Variants in GRIP2 observed in about 807,000 individuals in gnomAD.
GRIP2 encodes glutamate receptor-interacting protein 2.
In GRIP2, 58 loss-of-function variants were observed where a neutral mutation model predicts 108.3. The observed-to-expected ratio is 0.54, with a 90% CI of 0.43 to 0.67. The LOEUF (loss-of-function observed/expected upper bound fraction) is 0.67. Ranked by LOEUF, GRIP2 falls within the 30% of genes least tolerant of loss-of-function variation. GRIP2 has a pLI of 0.00. For synonymous variants in GRIP2, 586 were observed against 598.2 expected (o/e 0.98, Z 0.30); for missense variants, 1,278 against 1,430.6 (o/e 0.89, Z 1.72).
rs1032012862 is a variant in GRIP2, at chr3:14,508,107, G to A, written c.2079-407C>T. The stretch of plus-strand genomic sequence containing the variant: ...AATCATAACTGAGGCGTGAATGAAC[G>A]GAATGGATTCCTACTTCCCTCCAGC... On this transcript the variant is annotated intron_variant, in intron 17 of 23. Coordinates refer to ENST00000621039, the MANE Select transcript of GRIP2 (RefSeq NM_001080423.4). 3.3e-5 allele frequency among the ~76,000 whole-genome samples: 5 copies of A among 152,202 alleles called. No individual in the cohort carries two copies. The South Asian group carries it at 8.3e-4, about 25-fold the overall frequency.
At chr3:14,504,266 TCAACGGTTA>T (rs2124861059) in intron 20 of GRIP2, among the ~76,000 whole-genome samples, 1 of 151,812 alleles carries the variant, frequency 6.6e-6, no homozygotes, top group South Asian at 2.1e-4. Flanking sequence ...TACAAAGGCC[TCAACGGTTA>T]CAAGGCATGC....
Position 14,517,221 on chromosome 3 carries a change from G to C in GRIP2, c.1157-8C>G, listed in dbSNP as rs1011324142. ...AGGGAGTTGAAGACAAGGCTGGGGA[G>C]ATGAGAGCACAGCCCCGTGAACCCC... On this transcript the variant is annotated splice_polypyrimidine_tract_variant and splice_region_variant and intron_variant, in intron 10 of 23. Transcript: ENST00000621039. 1.3e-6 allele frequency: 2 copies of C among 1,562,494 alleles called. No homozygotes were observed. The highest frequency in any genetic ancestry group is 2.7e-5 in the African/African-American group (2 of 73,112).
At chr3:14,574,060 A>G in the GRIP2 span, 1 of 1,504,662 alleles carries the variant, frequency 6.6e-7, no homozygotes, top group Non-Finnish European at 9.2e-7. Flanking sequence ...TGCTGCACGT[A>G]CTTGACGTTC....
intron 1 of GRIP2, among the ~76,000 whole-genome samples, chr3:14,537,359 C>A (rs1694858383): frequency 6.6e-6 from 1 of 152,214 alleles, no homozygotes; most frequent in South Asian, 2.1e-4. Flanking sequence ...CACACCTCCT[C>A]TCCACTCCCT....
chr3:14,537,011 A>G (rs1694849863), intron 1 of GRIP2, among the ~76,000 whole-genome samples: 1 of 152,202 alleles, frequency 6.6e-6, no homozygotes, highest in South Asian at 2.1e-4. Context: ...TACAGCTGGG[A>G]AAACTGAGGC....
At chr3:14,523,383 C>G (rs1694465331) in intron 5 of GRIP2, 1 of 583,164 alleles carries the variant, frequency 1.7e-6, no homozygotes, top group Non-Finnish European at 3.0e-6. Context: ...TCGGTAGCAG[C>G]TTTCACCATC....
the GRIP2 span, chr3:14,573,564 A>G: frequency 6.9e-7 from 1 of 1,440,562 alleles, no homozygotes. Context: ...ATAGCCCCTC[A>G]TGAAGTCACA....
At chr3:14,594,573 G>A in the GRIP2 span, among the ~76,000 whole-genome samples, 1 of 152,220 alleles carries the variant, frequency 6.6e-6, no homozygotes, top group African/African-American at 2.4e-5. Context: ...TGGGGAGGGA[G>A]AGGAGCTCCA....
chr3:14,545,961 C>T (rs572976369), upstream of GRIP2, among the ~76,000 whole-genome samples: 4 of 152,146 alleles, frequency 2.6e-5, no homozygotes, highest in African/African-American at 7.2e-5. Flanking sequence ...GACAGACAGA[C>T]GGACAGACAG....
the GRIP2 span, among the ~76,000 whole-genome samples, chr3:14,590,071 G>T: frequency 6.6e-6 from 1 of 152,004 alleles, no homozygotes; most frequent in Admixed American, 6.6e-5. Context: ...GGATTACAGG[G>T]GTGAGCCACC....
intron 1 of GRIP2, among the ~76,000 whole-genome samples, chr3:14,547,846 T>C (rs1036772462): frequency 1.3e-5 from 2 of 152,194 alleles, no homozygotes; most frequent in East Asian, 1.9e-4. Context: ...CAGTGGCCCC[T>C]CCCTGCCCTG....
rs1701363922 is a variant in GRIP2, at chr3:14,492,732, G to A, written c.*933C>T. 1 of 152,244 alleles carries A rather than the reference G, an allele frequency of 6.6e-6. No individual in the cohort carries two copies. Among genetic ancestry groups the A allele is most frequent in the African/African-American group, 2.4e-5 (1 of 41,422 alleles). 9.4% of individuals were successfully genotyped at this position (152,244 alleles called of 1,614,324 possible). ...GATGGCAGGTGAATGGAAGCTCCAG[G>A]GTCTTTTGCCCCAAAATGACCCCTC... On this transcript the variant is annotated 3_prime_UTR_variant, in exon 24 of 24. Transcript: ENST00000621039.
the GRIP2 span, among the ~76,000 whole-genome samples, chr3:14,572,023 T>C: frequency 6.6e-6 from 1 of 152,172 alleles, no homozygotes; most frequent in African/African-American, 2.4e-5. Context: ...TCAAGATACG[T>C]ATATTCTAAA....
chr3:14,506,648 CA>C (rs1407006817), intron 19 of GRIP2, among the ~76,000 whole-genome samples, 152 bp downstream of exon 19: 1 of 152,180 alleles, frequency 6.6e-6, no homozygotes, highest in Non-Finnish European at 1.5e-5. Context: ...CTTACGGAGC[CA>C]AATCAGGTCT....
intron 21 of GRIP2, among the ~76,000 whole-genome samples, chr3:14,500,066 TAAAACAAAAC>T (rs767518214): frequency 2.0e-5 from 3 of 151,964 alleles, no homozygotes; most frequent in African/African-American, 4.8e-5. Context: ...CTATGAAGAT[TAAAACAAAAC>T]AAAACAAAAC....
At chr3:14,566,976 A>T in the GRIP2 span, among the ~76,000 whole-genome samples, 1 of 152,170 alleles carries the variant, frequency 6.6e-6, no homozygotes, top group Non-Finnish European at 1.5e-5. Context: ...TGATCACATC[A>T]CTTCTCTCCC....
In GRIP2 at chr3:14,489,708, A is replaced by T. The variant is rs1050626873; in HGVS notation, c.*3957T>A. ...CATTGTCCCCATCAAGGCCACCAGG[A>T]TGATTGGAGGTGATGCTCTTGGCCT... On this transcript the variant is annotated 3_prime_UTR_variant, in exon 24 of 24. Coordinates refer to ENST00000621039, the MANE Select transcript of GRIP2 (RefSeq NM_001080423.4). 2.0e-5 allele frequency: 3 copies of T among 152,476 alleles called. No individual in the cohort carries two copies. Among genetic ancestry groups the T allele is most frequent in the African/African-American group, 4.8e-5 (2 of 41,562 alleles). 9.4% of individuals were successfully genotyped at this position (152,476 alleles called of 1,614,324 possible). A position where few individuals can be genotyped will look rare whatever the true frequency, so the allele number is the denominator to read the frequency against.
chr3:14,589,101 A>C, the GRIP2 span, among the ~76,000 whole-genome samples: 2 of 152,258 alleles, frequency 1.3e-5, no homozygotes, highest in African/African-American at 4.8e-5. Flanking sequence ...AAGTGGGAGC[A>C]TAAACTGGAA....
the GRIP2 span, among the ~76,000 whole-genome samples, chr3:14,564,195 G>A: frequency 6.6e-6 from 1 of 152,246 alleles, no homozygotes; most frequent in Admixed American, 6.5e-5. Context: ...CAAGAAACAG[G>A]TGGCATGTCT....
Sources: gnomAD v4.1 joint callset for allele counts (sites outside exome capture counted in the v4.1 genomes callset) on GRCh38, gnomAD v4.1.1 for gene constraint, MANE v1.5 for transcripts, NCBI Gene and HGNC (gene_info 2026-07-23, HGNC 2026-07-21) for gene names.